Variants in NPSR1 observed in about 807,000 individuals in gnomAD.
NPSR1 encodes the protein neuropeptide S receptor 1, also known as neuropeptide S receptor.
NPSR1 carries 48 observed loss-of-function variants against 46.9 expected under a neutral mutation model. The ratio of observed to expected loss-of-function variants is 1.02; its 90% CI spans 0.81 to 1.30. The LOEUF is 1.30. NPSR1 is among the 50% of genes most tolerant of loss of function. NPSR1 has a pLI of 0.00. For missense variants in NPSR1, 450 were observed against 449.5 expected, an observed-to-expected ratio of 1.00 and a Z score of -0.01; for synonymous variants, 176 against 168.1, an observed-to-expected ratio of 1.05 and a Z score of -0.36.
intron 4 of NPSR1, among the ~76,000 whole-genome samples, chr7:34,827,073 A>G (rs1368032675): frequency 2.0e-5 from 3 of 152,196 alleles, no homozygotes; most frequent in Admixed American, 1.3e-4. Context: ...CAACTTACCA[A>G]ATGTACATGG....
At chr7:34,848,064 G>T (rs918022219) in intron 7 of NPSR1, among the ~76,000 whole-genome samples, 1 of 152,200 alleles carries the variant, frequency 6.6e-6, no homozygotes, top group African/African-American at 2.4e-5. Flanking sequence ...CCTAAAACCA[G>T]TAGTCACTAC....
intron 2 of NPSR1, among the ~76,000 whole-genome samples, chr7:34,767,265 T>C (rs553199849): frequency 2.0e-5 from 3 of 152,334 alleles, no homozygotes; most frequent in East Asian, 3.9e-4. Context: ...TTCTGTCTTA[T>C]TTTTGCAACT....
chr7:34,853,829 G>A (rs757318086), downstream of NPSR1, among the ~76,000 whole-genome samples: 2 of 152,064 alleles, frequency 1.3e-5, no homozygotes, highest in African/African-American at 4.8e-5. Flanking sequence ...GCCGGGTATG[G>A]TGGCGGGCCG....
At chr7:34,840,974 G>T (rs1197140149) in intron 6 of NPSR1, among the ~76,000 whole-genome samples, 2 of 152,148 alleles carry the variant, frequency 1.3e-5, no homozygotes, top group Non-Finnish European at 2.9e-5. Context: ...GAACTGATGA[G>T]TTCAGGGGGT....
intron 2 of NPSR1, among the ~76,000 whole-genome samples, chr7:34,689,262 T>G (rs1422676875): frequency 1.3e-5 from 2 of 152,126 alleles, no homozygotes; most frequent in Non-Finnish European, 2.9e-5. Flanking sequence ...CAGCTGAACT[T>G]TATCCATAAG....
chr7:34,825,848 T>C (rs935402295), intron 4 of NPSR1, among the ~76,000 whole-genome samples: 29 of 152,004 alleles, frequency 1.9e-4, no homozygotes, highest in Admixed American at 5.2e-4. Context: ...CCAATGTGGA[T>C]AGCAACCTGG....
chr7:34,780,027 C>T (rs1229656383), intron 3 of NPSR1, among the ~76,000 whole-genome samples: 4 of 152,180 alleles, frequency 2.6e-5, no homozygotes, highest in African/African-American at 9.7e-5. Context: ...CAGTTCTCCA[C>T]ATGGGCCTCT....
chr7:34,724,348 G>A (rs988261756), intron 2 of NPSR1, among the ~76,000 whole-genome samples: 1 of 152,148 alleles, frequency 6.6e-6, no homozygotes, highest in Admixed American at 6.5e-5. Flanking sequence ...ATAGTTGGAT[G>A]TAAACTTATT....
chr7:34,847,457 G>A (rs1370042978), intron 7 of NPSR1, among the ~76,000 whole-genome samples: 1 of 152,032 alleles, frequency 6.6e-6, no homozygotes, highest in Non-Finnish European at 1.5e-5. Flanking sequence ...GATTACTGAG[G>A]CTGAGAATTC....
chr7:34,763,136 T>C (rs919585940), intron 2 of NPSR1, among the ~76,000 whole-genome samples: 1 of 152,168 alleles, frequency 6.6e-6, no homozygotes, highest in African/African-American at 2.4e-5. Flanking sequence ...GATAAAACTA[T>C]AAACATGAGC....
chr7:34,766,582 T>A (rs1310721846), intron 2 of NPSR1, among the ~76,000 whole-genome samples: 1 of 152,164 alleles, frequency 6.6e-6, no homozygotes, highest in African/African-American at 2.4e-5. Context: ...GAATTATTTT[T>A]TTTTTTTTGA....
At chr7:34,684,887 A>C (rs1792850661) in intron 2 of NPSR1, among the ~76,000 whole-genome samples, 1 of 152,214 alleles carries the variant, frequency 6.6e-6, no homozygotes, top group Admixed American at 6.5e-5. Context: ...TTCATTATAA[A>C]AGTAACTCAC....
At chr7:34,811,395 C>T (rs1562747357) in intron 3 of NPSR1, among the ~76,000 whole-genome samples, 1 of 152,084 alleles carries the variant, frequency 6.6e-6, no homozygotes, top group Non-Finnish European at 1.5e-5. Flanking sequence ...TCCTTCTCTG[C>T]CATGCTGTTC....
rs759645588 is a variant in NPSR1 at position 34,849,312 on chromosome 7, CT to C, written c.1026-252del. 39 of 1,527,250 alleles carry C rather than the reference CT, an allele frequency of 2.6e-5. No homozygotes were observed. The South Asian group carries it at 4.4e-4, about 17-fold the overall frequency. The allele number at this position is 1,527,250 out of a possible 1,614,324, so 94.6% of individuals were successfully genotyped here. On this transcript the variant is annotated intron_variant, in intron 8 of 8. Coordinates refer to ENST00000360581, the MANE Select transcript of NPSR1 (RefSeq NM_207172.2). Reference sequence around the variant, plus strand: ...CATCTGTAAACCTCAGCTTCTTCATCTGTAAAACAGGGCTAATAGCAGTGTC... The same window carrying C: ...CATCTGTAAACCTCAGCTTCTTCATCGTAAAACAGGGCTAATAGCAGTGTC...
chr7:34,697,403 A>G (rs1793585505), intron 2 of NPSR1, among the ~76,000 whole-genome samples: 1 of 151,906 alleles, frequency 6.6e-6, no homozygotes, highest in Non-Finnish European at 1.5e-5. Flanking sequence ...AAGGTATAAA[A>G]TGCAGTATTT....
chr7:34,678,720 G>T (rs919989496), intron 1 of NPSR1, among the ~76,000 whole-genome samples: 1 of 151,768 alleles, frequency 6.6e-6, no homozygotes, highest in Non-Finnish European at 1.5e-5. Flanking sequence ...CATCTACTCG[G>T]GAGGCTGAGG....
intron 2 of NPSR1, among the ~76,000 whole-genome samples, chr7:34,774,530 A>C (rs1786854086): frequency 6.6e-6 from 1 of 152,230 alleles, no homozygotes; most frequent in Non-Finnish European, 1.5e-5. Flanking sequence ...CCCCATTATC[A>C]GCTGTTCCAT....
chr7:34,790,695 T>C (rs1319030800), intron 3 of NPSR1, among the ~76,000 whole-genome samples: 16 of 136,958 alleles, frequency 1.2e-4, no homozygotes, highest in South Asian at 4.3e-4. Context: ...TTATATATAA[T>C]ATATGTTCTA....
intron 8 of NPSR1, among the ~76,000 whole-genome samples, chr7:34,862,912 T>C (rs574454686): frequency 1.5e-4 from 23 of 151,870 alleles, no homozygotes; most frequent in African/African-American, 5.3e-4. Flanking sequence ...TCATATGTTC[T>C]ACAGTGAAAT....
Sources: allele counts gnomAD v4.1 joint callset (sites outside exome capture counted in the v4.1 genomes callset), GRCh38; gene constraint gnomAD v4.1.1; transcripts MANE v1.5; gene names NCBI Gene and HGNC (gene_info 2026-07-23, HGNC 2026-07-21).